STEAP1B: variants seen among roughly 807,000 people sequenced by gnomAD.
The protein encoded by STEAP1B is STEAP family member 1B.
Under a neutral mutation model 27.9 loss-of-function variants are expected in STEAP1B, and 13 were observed. That is an observed-to-expected ratio of 0.47 (90% confidence interval 0.30 to 0.74). STEAP1B has a LOEUF of 0.74. STEAP1B is among the 30% of genes least tolerant of loss of function. STEAP1B has a pLI of 0.06. For missense variants in STEAP1B, 250 were observed against 298.7 expected (o/e 0.84, Z 1.20); for synonymous variants, 86 against 107.1 (o/e 0.80, Z 1.22).
At chr7:22,484,642 T>A (rs1283094421) in intron 4 of STEAP1B, among the ~76,000 whole-genome samples, 2 of 152,234 alleles carry the variant, frequency 1.3e-5, no homozygotes, top group East Asian at 3.8e-4. Flanking sequence ...CATTTCAACT[T>A]TCAAGTCTTA....
At chr7:22,472,841 T>C (rs1785908299) in intron 4 of STEAP1B, among the ~76,000 whole-genome samples, 1 of 152,170 alleles carries the variant, frequency 6.6e-6, no homozygotes. Flanking sequence ...TCATGGGCTA[T>C]GGAGGCGGGA....
intron 4 of STEAP1B, among the ~76,000 whole-genome samples, chr7:22,434,212 G>T (rs1368350103): frequency 6.6e-6 from 1 of 152,166 alleles, no homozygotes; most frequent in African/African-American, 2.4e-5. Context: ...GCCCCTCCAG[G>T]GACAGGAAGG....
intron 4 of STEAP1B, among the ~76,000 whole-genome samples, chr7:22,458,725 G>A (rs911887155): frequency 1.4e-4 from 21 of 152,162 alleles, no homozygotes; most frequent in African/African-American, 4.6e-4. Context: ...TTTCTAGGCT[G>A]TAAAGTGCAC....
chr7:22,432,949 C>G (rs1785207012), intron 4 of STEAP1B, among the ~76,000 whole-genome samples: 1 of 152,182 alleles, frequency 6.6e-6, no homozygotes, highest in Non-Finnish European at 1.5e-5. Flanking sequence ...CCAGTTGCTT[C>G]ATGAGCTCAA....
At chr7:22,488,771 C>T (rs1199870105) in intron 4 of STEAP1B, among the ~76,000 whole-genome samples, 2 of 152,166 alleles carry the variant, frequency 1.3e-5, no homozygotes, top group Non-Finnish European at 2.9e-5. Flanking sequence ...AATTGCAGAC[C>T]TGAACCGCAC....
intron 4 of STEAP1B, among the ~76,000 whole-genome samples, chr7:22,444,153 C>T (rs532968999): frequency 6.6e-6 from 1 of 152,330 alleles, no homozygotes; most frequent in Admixed American, 6.5e-5. Flanking sequence ...ATCTGCCATC[C>T]TCATCCTAGG....
rs575425121 is a variant in STEAP1B at position 22,424,421 on chromosome 7, A to C, written c.763-4585T>G. Among the ~76,000 whole-genome samples the C allele has an allele frequency of 3.9e-5, 6 of 152,356 alleles. No homozygotes were observed. The South Asian group carries it at 1.2e-3, about 32-fold the overall frequency. On this transcript the variant is annotated intron_variant, in intron 4 of 4. Coordinates refer to ENST00000678116, the MANE Select transcript of STEAP1B (RefSeq NM_001382447.1). ...ACAAAGGAAAATATATTCAACCCTA[A>C]GAATAATCAGAAAATGTAAATTTAA...
chr7:22,474,019 G>C (rs894849494), intron 4 of STEAP1B, among the ~76,000 whole-genome samples: 6 of 152,194 alleles, frequency 3.9e-5, no homozygotes, highest in Non-Finnish European at 7.4e-5. Context: ...TATTATTAAA[G>C]GTCAAAGGGG....
rs540711805 is a variant in STEAP1B, at chr7:22,422,194, G to A, written c.763-2358C>T. Among the ~76,000 whole-genome samples the A allele has an allele frequency of 2.9e-4, 44 of 152,352 alleles. 1 individual carries two copies. The South Asian group carries it at 8.1e-3, about 28-fold the overall frequency. On this transcript the variant is annotated intron_variant, in intron 4 of 4. Coordinates refer to ENST00000678116, the MANE Select transcript of STEAP1B (RefSeq NM_001382447.1). ...AGCAACCTAGTGTGTGTGCATGTGT[G>A]CACATGTATGTGCCTGGGCCTGTGC...
At chr7:22,499,444 A>C (rs1416433231) in intron 1 of STEAP1B, among the ~76,000 whole-genome samples, 6 of 151,920 alleles carry the variant, frequency 3.9e-5, no homozygotes, top group African/African-American at 1.5e-4. Context: ...CTTAACATTC[A>C]TGTTAAATGA....
intron 4 of STEAP1B, among the ~76,000 whole-genome samples, chr7:22,435,199 T>C (rs776652387): frequency 1.3e-4 from 19 of 151,996 alleles, no homozygotes; most frequent in Non-Finnish European, 2.2e-4. Context: ...CAATGAACCA[T>C]TCAAGAAAGA....
intron 4 of STEAP1B, among the ~76,000 whole-genome samples, chr7:22,488,585 T>G (rs1254038142): frequency 3.9e-5 from 6 of 152,192 alleles, no homozygotes; most frequent in Admixed American, 3.9e-4. Flanking sequence ...CAGTGGGGAA[T>G]TTAAAACAAA....
At chr7:22,478,367 A>T (rs1055696775) in intron 4 of STEAP1B, among the ~76,000 whole-genome samples, 1 of 152,212 alleles carries the variant, frequency 6.6e-6, no homozygotes, top group African/African-American at 2.4e-5. Flanking sequence ...CTACCGCTCC[A>T]AGATAAGCGG....
At position 22,459,237 on chromosome 7, in the gene STEAP1B, T is replaced by C. The variant is rs117804254; in HGVS notation, c.762+33328A>G. On this transcript the variant is annotated intron_variant, in intron 4 of 4. Transcript: ENST00000678116. ...TCAATTTCATGATTCTATCAAAGGA[T>C]AGGCCTCAGCTTTTAAGCTTGGGGC... Among the ~76,000 whole-genome samples the C allele has an allele frequency of 5.4e-4, 83 of 152,370 alleles. No homozygotes were observed. In the East Asian group the frequency reaches 0.015, roughly 27 times the overall value.
At chr7:22,467,619 T>C (rs1276394359) in intron 4 of STEAP1B, among the ~76,000 whole-genome samples, 2 of 152,192 alleles carry the variant, frequency 1.3e-5, no homozygotes, top group Admixed American at 6.5e-5. Context: ...GTTAAGTCTC[T>C]CAAGATCTGA....
chr7:22,442,654 G>T (rs1302014033), intron 4 of STEAP1B, among the ~76,000 whole-genome samples: 1 of 152,238 alleles, frequency 6.6e-6, no homozygotes, highest in Non-Finnish European at 1.5e-5. Context: ...CGATGCCTTT[G>T]ACAGAGTTGG....
intron 4 of STEAP1B, among the ~76,000 whole-genome samples, chr7:22,444,741 C>G (rs1018132581): frequency 6.6e-6 from 1 of 152,198 alleles, no homozygotes; most frequent in Non-Finnish European, 1.5e-5. Flanking sequence ...TTCCGGAACA[C>G]TTGCTGTTTT....
At chr7:22,495,718 G>T (rs1345210203) in intron 1 of STEAP1B, among the ~76,000 whole-genome samples, 4 of 151,998 alleles carry the variant, frequency 2.6e-5, no homozygotes, top group African/African-American at 9.7e-5. Flanking sequence ...TTGATTGACA[G>T]AAAACATCCC....
intron 4 of STEAP1B, among the ~76,000 whole-genome samples, chr7:22,454,456 C>A (rs1025878007): frequency 2.6e-5 from 4 of 152,128 alleles, no homozygotes; most frequent in Non-Finnish European, 5.9e-5. Flanking sequence ...GACAGCTCTT[C>A]AGAGGGCATT....
Sources: gnomAD v4.1 joint callset for allele counts (sites outside exome capture counted in the v4.1 genomes callset) on GRCh38, gnomAD v4.1.1 for gene constraint, MANE v1.5 for transcripts, NCBI Gene and HGNC (gene_info 2026-07-23, HGNC 2026-07-21) for gene names.